The following SLC25A48 variants were observed in gnomAD, a reference collection of about 807,000 sequenced individuals.
The protein encoded by SLC25A48 is solute carrier family 25 member 48, also known as CTC-321K16.1.
SLC25A48 carries 29 observed loss-of-function variants against 32.2 expected under a neutral mutation model. The ratio of observed to expected loss-of-function variants is 0.90; its 90% CI spans 0.67 to 1.23. SLC25A48 has a LOEUF of 1.23. Among genes scored for constraint, SLC25A48 ranks in the 50% most tolerant of loss-of-function variants. The probability of loss-of-function intolerance (pLI) is 0.00; values close to 1 mark genes in which losing one functional copy is unlikely to be tolerated. For synonymous variants in SLC25A48, 164 were observed against 172.3 expected, an observed-to-expected ratio of 0.95 and a Z score of 0.38; for missense variants, 399 against 422.7, an observed-to-expected ratio of 0.94 and a Z score of 0.49.
chr5:135,582,335 G>A lies in SLC25A48; in HGVS notation c.-849+2738G>A, dbSNP rs1458325531. Among the ~76,000 whole-genome samples the A allele has an allele frequency of 2.0e-5, 3 of 152,150 alleles. No homozygotes were observed. In the East Asian group the frequency reaches 5.8e-4, roughly 29 times the overall value. ...AAGCAGCTCAGAGTCTAGTGGGGAA[G>A]GCAGACATTAGCTATAAACCACAGA... On this transcript the variant is annotated intron_variant, in intron 1 of 10. Transcript: ENST00000646290.
At chr5:135,751,801 C>G (rs547219838) in intron 3 of SLC25A48, among the ~76,000 whole-genome samples, 1 of 152,168 alleles carries the variant, frequency 6.6e-6, no homozygotes, top group Non-Finnish European at 1.5e-5. Context: ...CTACTGCACT[C>G]CAGCATGGGC....
At chr5:135,660,710 A>G (rs559501252) in intron 3 of SLC25A48, among the ~76,000 whole-genome samples, 1 of 152,208 alleles carries the variant, frequency 6.6e-6, no homozygotes, top group Admixed American at 6.5e-5. Context: ...CTGAGTTAAT[A>G]GATCTAAGTA....
chr5:135,867,158 G>T (rs944484136), intron 4 of SLC25A48, among the ~76,000 whole-genome samples: 1 of 152,104 alleles, frequency 6.6e-6, no homozygotes, highest in Non-Finnish European at 1.5e-5. Context: ...AGAGAAATTA[G>T]GTACACTTCG....
intron 4 of SLC25A48, among the ~76,000 whole-genome samples, chr5:135,870,119 C>G (rs1242164228): frequency 2.6e-5 from 4 of 152,178 alleles, no homozygotes; most frequent in African/African-American, 9.7e-5. Context: ...GGGACTTGGA[C>G]ATTGACCTAT....
At chr5:135,705,002 G>T (rs1170094144) in intron 3 of SLC25A48, among the ~76,000 whole-genome samples, 2 of 152,300 alleles carry the variant, frequency 1.3e-5, no homozygotes, top group Non-Finnish European at 1.5e-5. Context: ...GGTCAGGATG[G>T]CTAAATGGGG....
chr5:135,821,343 A>C lies in SLC25A48; in HGVS notation c.-117+8417A>C, dbSNP rs150086564. 2.4e-3 allele frequency among the ~76,000 whole-genome samples: 368 copies of C among 152,294 alleles called. 1 individual carries two copies. Among genetic ancestry groups the C allele is most frequent in the Non-Finnish European group, 4.3e-3 (292 of 68,014 alleles). The stretch of plus-strand genomic sequence containing the variant: ...GCCAGCAAGTGACTGGAGAGGAGCC[A>C]CAGAGGAGAGGCAGCTGAAAGCGAG... On this transcript the variant is annotated intron_variant, in intron 4 of 10. Coordinates refer to the SLC25A48 transcript ENST00000646290.
intron 4 of SLC25A48, among the ~76,000 whole-genome samples, chr5:135,867,613 G>A (rs1209369771): frequency 2.6e-5 from 4 of 152,128 alleles, no homozygotes; most frequent in Non-Finnish European, 5.9e-5. Context: ...TTATTCATCA[G>A]CAGGGCTATC....
At chr5:135,749,152 G>C (rs916109891) in intron 3 of SLC25A48, among the ~76,000 whole-genome samples, 1 of 152,066 alleles carries the variant, frequency 6.6e-6, no homozygotes, top group African/African-American at 2.4e-5. Flanking sequence ...TAGTCACACA[G>C]GGTTCTCCCA....
chr5:135,755,456 A>G (rs1169985769), intron 3 of SLC25A48, among the ~76,000 whole-genome samples: 1 of 151,984 alleles, frequency 6.6e-6, no homozygotes, highest in African/African-American at 2.4e-5. Flanking sequence ...TGTGGTATTA[A>G]GTAAATATTG....
chr5:135,747,375 T>G (rs149147704), intron 3 of SLC25A48, among the ~76,000 whole-genome samples: 166 of 151,980 alleles, frequency 1.1e-3, no homozygotes, highest in African/African-American at 3.7e-3. Context: ...TCTTTTATAA[T>G]AAATTATTAT....
At chr5:135,750,726 C>G (rs184359513) in intron 3 of SLC25A48, among the ~76,000 whole-genome samples, 1 of 152,234 alleles carries the variant, frequency 6.6e-6, no homozygotes, top group East Asian at 1.9e-4. Context: ...CACACATGAC[C>G]TCAATTCTTT....
At chr5:135,585,481 T>C (rs1751342989) in intron 1 of SLC25A48, among the ~76,000 whole-genome samples, 1 of 152,242 alleles carries the variant, frequency 6.6e-6, no homozygotes, top group African/African-American at 2.4e-5. Context: ...GTGCCACTCC[T>C]CACACTTGTA....
intron 3 of SLC25A48, among the ~76,000 whole-genome samples, chr5:135,788,336 C>A (rs1229823350): frequency 6.9e-6 from 1 of 144,908 alleles, no homozygotes; most frequent in Admixed American, 6.9e-5. Flanking sequence ...GGTGATATTA[C>A]TCCCCATGGG....
rs987946654 is a variant in SLC25A48, at chr5:135,872,031, T to C, written c.679+313T>C. ...CATTATCATGGTTCAGTTTATTAAA[T>C]GCAATCTTTGTAATGTAAGGATGCC... On this transcript the variant is annotated intron_variant, in intron 5 of 7. Transcript: ENST00000681962. The C allele has an allele frequency of 1.6e-5, 20 of 1,269,446 alleles. No individual in the cohort carries two copies. In the African/African-American group the frequency reaches 2.4e-4, roughly 15 times the overall value. The allele number at this position is 1,269,446 out of a possible 1,614,324, so 78.6% of individuals were successfully genotyped here.
intron 3 of SLC25A48, among the ~76,000 whole-genome samples, chr5:135,743,979 C>A (rs185172845): frequency 2.0e-5 from 3 of 152,340 alleles, no homozygotes; most frequent in Admixed American, 2.0e-4. Context: ...CTTATCTTCT[C>A]ACATGCCAAA....
chr5:135,826,421 G>A (rs6596265), intron 4 of SLC25A48: 61,873 of 152,122 alleles, frequency 0.41, 13,156 homozygotes, highest in Non-Finnish European at 0.48. Context: ...GGAGAGAAGT[G>A]TCCATCTTGT....
intron 4 of SLC25A48, among the ~76,000 whole-genome samples, chr5:135,828,027 A>G (rs1758108938): frequency 6.6e-6 from 1 of 152,182 alleles, no homozygotes; most frequent in South Asian, 2.1e-4. Flanking sequence ...GAACCCAAGG[A>G]GGGCCGAGAG....
intron 3 of SLC25A48, among the ~76,000 whole-genome samples, chr5:135,778,058 T>C: frequency 6.6e-6 from 1 of 151,252 alleles, no homozygotes; most frequent in Admixed American, 6.6e-5. Context: ...TTGCAGGAGT[T>C]GTACACCACC....
chr5:135,751,427 C>T (rs1363290922), intron 3 of SLC25A48, among the ~76,000 whole-genome samples: 2 of 152,316 alleles, frequency 1.3e-5, no homozygotes, highest in South Asian at 2.1e-4. Flanking sequence ...TGAAACTCCA[C>T]CGTGTCCTGT....
Sources: allele counts gnomAD v4.1 joint callset (sites outside exome capture counted in the v4.1 genomes callset), GRCh38; gene constraint gnomAD v4.1.1; transcripts MANE v1.5; gene names NCBI Gene and HGNC (gene_info 2026-07-23, HGNC 2026-07-21).